AZIN1: variants seen among roughly 807,000 people sequenced by gnomAD.
The protein encoded by AZIN1 is antizyme inhibitor 1.
AZIN1 carries 12 observed loss-of-function variants against 47.4 expected under a neutral mutation model. The ratio of observed to expected loss-of-function variants is 0.25; its 90% CI spans 0.16 to 0.41. The LOEUF (loss-of-function observed/expected upper bound fraction) is 0.41. Among genes scored for constraint, AZIN1 ranks in the 10% least tolerant of loss-of-function variants. The probability of loss-of-function intolerance (pLI) is 1.00; values close to 1 mark genes in which losing one functional copy is unlikely to be tolerated. For synonymous variants in AZIN1, 155 were observed against 176.3 expected, an observed-to-expected ratio of 0.88 and a Z score of 0.96; for missense variants, 410 against 532.4, an observed-to-expected ratio of 0.77 and a Z score of 2.26.
chr8:102,834,297 C>A, intron 7 of AZIN1, 34 bp from the exon 8 acceptor site: 1 of 1,563,270 alleles, frequency 6.4e-7, no homozygotes, highest in East Asian at 2.2e-5. Flanking sequence ...AAATGTTTTT[C>A]CAAATTGTAA....
chr8:102,862,529 T>C (rs930268383), intron 1 of AZIN1, among the ~76,000 whole-genome samples: 1 of 152,154 alleles, frequency 6.6e-6, no homozygotes, highest in African/African-American at 2.4e-5. Context: ...ATCTGCACGC[T>C]CTCGTATATG....
intron 2 of AZIN1, among the ~76,000 whole-genome samples, chr8:102,857,553 CCATA>C: frequency 6.6e-6 from 1 of 151,972 alleles, no homozygotes; most frequent in Admixed American, 6.6e-5. Context: ...TATTTTAATA[CCATA>C]CATATATTTT....
At chr8:102,854,674 C>G (rs964073282) in intron 2 of AZIN1, 2 of 147,394 alleles carry the variant, frequency 1.4e-5, no homozygotes, top group African/African-American at 5.0e-5. Context: ...GGAGCTCCTA[C>G]TAAGGCATGT....
In AZIN1 at chr8:102,829,879, T is replaced by C; in HGVS notation, c.962A>G (p.Tyr321Cys). ...AGACAGTTTACTTGCAAAAGAACCA[T>C]AAACACCATCATTCATATAATACAT... ...AFMYYMNDGV[Y>C]GSFASKLSED... Residue 321 changes from tyrosine (Y) to cysteine (C), a missense_variant, in exon 10 of 12, where the codon TAT becomes TGT. By Grantham distance (194) the Tyr-to-Cys change is radical (BLOSUM62 -2). Around this residue, in one of 3 missense-constraint regions of AZIN1, gnomAD observed 168 missense variants for 198.3 expected, o/e 0.85. Coordinates refer to ENST00000337198, the MANE Select transcript of AZIN1 (RefSeq NM_148174.4). 6.2e-7 allele frequency: 1 copy of C among 1,613,564 alleles called. No homozygotes were observed. The highest frequency in any genetic ancestry group is 8.5e-7 in the Non-Finnish European group (1 of 1,179,834).
At chr8:102,849,907 C>G (rs1457409306) in intron 2 of AZIN1, 1 of 152,144 alleles carries the variant, frequency 6.6e-6, no homozygotes, top group African/African-American at 2.4e-5. Context: ...CTCCCTGGAG[C>G]CTTTCATGAG....
chr8:102,862,369 C>T (rs182808021), intron 1 of AZIN1, among the ~76,000 whole-genome samples: 309 of 152,208 alleles, frequency 2.0e-3, no homozygotes, highest in African/African-American at 7.1e-3. Flanking sequence ...GGAAGTATAA[C>T]TCTTTTTCAC....
At chr8:102,832,905 G>T in intron 9 of AZIN1, 151 bp downstream of exon 9, 1 of 642,292 alleles carries the variant, frequency 1.6e-6, no homozygotes, top group Non-Finnish European at 2.6e-6. Context: ...CTCCCAAAGT[G>T]CTGGGATTAT....
At chr8:102,848,618 A>T (rs1812734401) in intron 2 of AZIN1, among the ~76,000 whole-genome samples, 1 of 152,168 alleles carries the variant, frequency 6.6e-6, no homozygotes, top group African/African-American at 2.4e-5. Flanking sequence ...TTTCCAACTG[A>T]AAAGGGACAA....
intron 2 of AZIN1, among the ~76,000 whole-genome samples, chr8:102,847,695 A>G (rs981811249): frequency 6.6e-5 from 10 of 151,250 alleles, no homozygotes; most frequent in Non-Finnish European, 1.5e-4. Context: ...TCCCACCTCC[A>G]CTCAGTCAGT....
In AZIN1 at chr8:102,833,593, G is replaced by C. The variant is rs76542640; in HGVS notation, c.742-375C>G. ...GAGCAGGAAGGTGAGAAACAGGTGTGACGTGTATCTGGCCTAAATGCTAAA... is the reference window on the plus strand; with the variant it reads ...GAGCAGGAAGGTGAGAAACAGGTGTCACGTGTATCTGGCCTAAATGCTAAA... On this transcript the variant is annotated intron_variant, in intron 8 of 11. Transcript: ENST00000337198. Among the ~76,000 whole-genome samples the C allele has an allele frequency of 7.8e-3, 1,185 of 152,124 alleles. 17 individuals carry two copies. The highest frequency in any genetic ancestry group is 0.026 in the African/African-American group (1,094 of 41,470).
At chr8:102,828,833 G>A (rs1811256801) in intron 11 of AZIN1, among the ~76,000 whole-genome samples, 155 bp from the exon 12 acceptor site, 1 of 152,234 alleles carries the variant, frequency 6.6e-6, no homozygotes, top group Admixed American at 6.5e-5. Flanking sequence ...GCAGAGTGAT[G>A]TTTTGGTCAA....
In AZIN1 at chr8:102,843,681, C is replaced by A; in HGVS notation, c.-29G>T. 1 of 1,613,174 alleles carries A rather than the reference C, an allele frequency of 6.2e-7. No individual in the cohort carries two copies. The highest frequency in any genetic ancestry group is 1.1e-5 in the South Asian group (1 of 90,920). ...AGCCGTATTCCACAAAGCCGAAAGT[C>A]ATAAACCAGGAAAGACAAGAGACGG... On this transcript the variant is annotated 5_prime_UTR_variant, in exon 3 of 12. The change abolishes an upstream ATG in the 5' untranslated region. Coordinates refer to ENST00000337198, the MANE Select transcript of AZIN1 (RefSeq NM_148174.4).
chr8:102,833,058 C>T lies in AZIN1; in HGVS notation c.902G>A (p.Gly301Glu). Residue 301 changes from glycine to glutamate, a missense_variant and splice_region_variant, in exon 9 of 12, where the codon GGA (glycine) becomes GAA (glutamate). Transcript: ENST00000337198. ...AAACTATAAACTTTATAACTTACCT[C>T]CAGAGGGAAATTTATCATTTTCAAC... ...KVVENDKFPSGVEKTGSDEPA... is the reference protein window; with the variant it reads ...KVVENDKFPSEVEKTGSDEPA... The T allele has an allele frequency of 1.2e-6, 2 of 1,607,254 alleles. No individual in the cohort carries two copies. Among genetic ancestry groups the T allele is most frequent in the Non-Finnish European group, 1.7e-6 (2 of 1,174,564 alleles).
chr8:102,854,188 C>G (rs1241938371), intron 2 of AZIN1, among the ~76,000 whole-genome samples: 1 of 152,016 alleles, frequency 6.6e-6, no homozygotes, highest in Non-Finnish European at 1.5e-5. Context: ...ATCTGCCGGC[C>G]TCAGCCTCCC....
chr8:102,833,888 C>CT (rs1169068647), intron 8 of AZIN1, among the ~76,000 whole-genome samples: 1 of 118,672 alleles, frequency 8.4e-6, no homozygotes. Flanking sequence ...CACAGGAAGA[C>CT]TTTAAAAAAA....
At chr8:102,861,816 G>A (rs1025416849) in intron 1 of AZIN1, among the ~76,000 whole-genome samples, 2 of 152,148 alleles carry the variant, frequency 1.3e-5, no homozygotes, top group Admixed American at 1.3e-4. Flanking sequence ...GCCGAGATGG[G>A]CGGATCATGA....
intron 4 of AZIN1, 85 bp from the exon 5 acceptor site, chr8:102,839,001 C>G: frequency 8.3e-7 from 1 of 1,201,340 alleles, no homozygotes; most frequent in African/African-American, 1.5e-5. Context: ...TACCCCCACC[C>G]CTTTTAAAAC....
chr8:102,828,770 A>T (rs1000111784), intron 11 of AZIN1, 92 bp from the exon 12 acceptor site: 1 of 752,952 alleles, frequency 1.3e-6, no homozygotes, highest in East Asian at 2.7e-5. Context: ...GATTATAACT[A>T]GTCTTCCAAA....
chr8:102,851,075 A>G (rs1246342260), intron 2 of AZIN1, among the ~76,000 whole-genome samples: 4 of 152,228 alleles, frequency 2.6e-5, no homozygotes, highest in Non-Finnish European at 4.4e-5. Flanking sequence ...CAATGTGAAG[A>G]CTAAATTTTT....
Sources: gnomAD v4.1 joint callset for allele counts (sites outside exome capture counted in the v4.1 genomes callset) on GRCh38, gnomAD v4.1.1 for gene constraint, gnomAD v4.1.1 regional missense constraint, MANE v1.5 for transcripts, NCBI Gene and HGNC (gene_info 2026-07-23, HGNC 2026-07-21) for gene names.